The following SLIT2 variants were observed in gnomAD, a reference collection of about 807,000 sequenced individuals.
SLIT2 encodes the protein slit homolog 2 protein.
Under a neutral mutation model 185.7 loss-of-function variants are expected in SLIT2, and 41 were observed. That is an observed-to-expected ratio of 0.22 (90% confidence interval 0.17 to 0.29). The LOEUF (loss-of-function observed/expected upper bound fraction) is 0.29. SLIT2 is among the 10% of genes least tolerant of loss of function. The pLI is 1.00. For synonymous variants in SLIT2, 693 were observed against 680.2 expected (o/e 1.02, Z -0.29); for missense variants, 1,571 against 1,909.0 (o/e 0.82, Z 3.30).
At chr4:20,568,836 T>G in intron 28 of SLIT2, 29 bp from the exon 29 acceptor site, 1 of 1,600,958 alleles carries the variant, frequency 6.2e-7, no homozygotes, top group Non-Finnish European at 8.5e-7. Flanking sequence ...CAAAAAGATG[T>G]TTTTTGCCTT....
chr4:20,384,258 T>C (rs1340799724), intron 4 of SLIT2, among the ~76,000 whole-genome samples: 1 of 152,176 alleles, frequency 6.6e-6, no homozygotes, highest in African/African-American at 2.4e-5. Flanking sequence ...CATTATGTTA[T>C]GTGAAAGCAG....
chr4:20,348,488 A>G (rs1393448008), intron 4 of SLIT2, among the ~76,000 whole-genome samples: 2 of 151,696 alleles, frequency 1.3e-5, no homozygotes, highest in Admixed American at 6.6e-5. Flanking sequence ...ACCTCAGGCA[A>G]TCCGCCTGCC....
intron 22 of SLIT2, 54 bp downstream of exon 22, chr4:20,546,153 A>T: frequency 2.1e-6 from 2 of 948,130 alleles, no homozygotes; most frequent in Non-Finnish European, 3.3e-6. Flanking sequence ...GAAAATGGGG[A>T]TGGCAAGGGA....
chr4:20,365,996 A>G (rs1229042398), intron 4 of SLIT2, among the ~76,000 whole-genome samples: 1 of 152,156 alleles, frequency 6.6e-6, no homozygotes, highest in Non-Finnish European at 1.5e-5. Flanking sequence ...AGCGTCAAAA[A>G]ATTATGTTAA....
At chr4:20,602,785 A>T (rs986230614) in intron 33 of SLIT2, among the ~76,000 whole-genome samples, 55 of 152,276 alleles carry the variant, frequency 3.6e-4, no homozygotes, top group African/African-American at 1.3e-3. Context: ...CTCACATTGA[A>T]ATCAGCCATA....
chr4:20,525,051 T>C lies in SLIT2; in HGVS notation c.1439-98T>C, dbSNP rs1721162958. On this transcript the variant is annotated intron_variant, in intron 14 of 36. Transcript: ENST00000504154. The stretch of plus-strand genomic sequence containing the variant: ...TGTGAATATACATTTTTCACTTAAT[T>C]GCAGTAACTTTAGTCCATTCTTAAT... The C allele has an allele frequency of 3.5e-6, 3 of 847,644 alleles. No individual in the cohort carries two copies. In the South Asian group the frequency reaches 4.2e-5, roughly 12 times the overall value. 52.5% of individuals were successfully genotyped at this position (847,644 alleles called of 1,614,324 possible). A position where few individuals can be genotyped will look rare whatever the true frequency, so the allele number is the denominator to read the frequency against.
At chr4:20,266,598 A>G (rs1270908467) in intron 3 of SLIT2, among the ~76,000 whole-genome samples, 1 of 151,902 alleles carries the variant, frequency 6.6e-6, no homozygotes, top group Non-Finnish European at 1.5e-5. Context: ...AGGGCCAGAG[A>G]TTAGGGAATG....
intron 4 of SLIT2, among the ~76,000 whole-genome samples, chr4:20,357,538 T>C (rs1346594882): frequency 1.3e-5 from 2 of 152,106 alleles, no homozygotes; most frequent in Non-Finnish European, 2.9e-5. Context: ...TAGATGCCCC[T>C]ACATAATACC....
intron 4 of SLIT2, among the ~76,000 whole-genome samples, chr4:20,270,074 T>C (rs1353093570): frequency 6.6e-6 from 1 of 151,944 alleles, no homozygotes; most frequent in Non-Finnish European, 1.5e-5. Flanking sequence ...ATTTTAAAAA[T>C]AAAATGAAGA....
intron 4 of SLIT2, among the ~76,000 whole-genome samples, chr4:20,391,229 C>T (rs929104620): frequency 2.0e-5 from 3 of 151,886 alleles, no homozygotes; most frequent in Non-Finnish European, 4.4e-5. Flanking sequence ...GGGTGATAAC[C>T]TGATAGTTTT....
At chr4:20,487,763 A>G (rs932718279) in intron 7 of SLIT2, among the ~76,000 whole-genome samples, 2 of 152,320 alleles carry the variant, frequency 1.3e-5, no homozygotes, top group South Asian at 2.1e-4. Flanking sequence ...GCTCAAGGAG[A>G]ATGCAAAGCA....
At chr4:20,450,662 A>G (rs1207856693) in intron 4 of SLIT2, among the ~76,000 whole-genome samples, 2 of 152,232 alleles carry the variant, frequency 1.3e-5, no homozygotes, top group African/African-American at 4.8e-5. Flanking sequence ...AGGTAATACA[A>G]ATAGTATATC....
chr4:20,300,928 G>A (rs1052188271), intron 4 of SLIT2, among the ~76,000 whole-genome samples: 4 of 151,758 alleles, frequency 2.6e-5, no homozygotes, highest in Admixed American at 6.6e-5. Flanking sequence ...AAATGGATAT[G>A]GTATACATCG....
At chr4:20,441,111 A>G (rs1004199561) in intron 4 of SLIT2, among the ~76,000 whole-genome samples, 1 of 152,182 alleles carries the variant, frequency 6.6e-6, no homozygotes, top group Non-Finnish European at 1.5e-5. Context: ...CTAATACACA[A>G]TGTGCTTTTA....
In SLIT2 at chr4:20,263,362, T is replaced by C. The variant is rs565654461; in HGVS notation, c.323+5423T>C. Among the ~76,000 whole-genome samples the C allele has an allele frequency of 7.0e-4, 107 of 151,960 alleles. 1 individual carries two copies. The highest frequency in any genetic ancestry group is 2.6e-3 in the African/African-American group (106 of 41,528). On this transcript the variant is annotated intron_variant, in intron 3 of 36. Coordinates refer to ENST00000504154, the MANE Select transcript of SLIT2 (RefSeq NM_004787.4). ...TACGATAATATTTACAGAAAATTAT[T>C]TGTGTGTCCTCTCTGCAATGTCCAT...
chr4:20,366,315 C>T (rs765226414), intron 4 of SLIT2, among the ~76,000 whole-genome samples: 9 of 152,146 alleles, frequency 5.9e-5, no homozygotes, highest in Non-Finnish European at 8.8e-5. Context: ...CTTAGCTTAC[C>T]TGACTTCTCA....
intron 4 of SLIT2, among the ~76,000 whole-genome samples, chr4:20,312,087 A>G (rs1718160945): frequency 6.6e-6 from 1 of 152,230 alleles, no homozygotes; most frequent in Admixed American, 6.5e-5. Flanking sequence ...TATGTCTGCA[A>G]CCTGAGAAGT....
chr4:20,554,753 C>G (rs944892339), intron 26 of SLIT2, among the ~76,000 whole-genome samples: 1 of 149,352 alleles, frequency 6.7e-6, no homozygotes, highest in Non-Finnish European at 1.5e-5. Context: ...TTTGGGGGGG[C>G]TTTTGTTTTG....
chr4:20,280,566 C>T (rs575911374), intron 4 of SLIT2, among the ~76,000 whole-genome samples: 13 of 151,910 alleles, frequency 8.6e-5, no homozygotes, highest in Non-Finnish European at 1.8e-4. Context: ...CTCCAAGCCT[C>T]TAGGGAATGT....
Sources: allele counts gnomAD v4.1 joint callset (sites outside exome capture counted in the v4.1 genomes callset), GRCh38; gene constraint gnomAD v4.1.1; transcripts MANE v1.5; gene names NCBI Gene and HGNC (gene_info 2026-07-23, HGNC 2026-07-21).